The following NPAS2 variants were observed in gnomAD, a reference collection of about 807,000 sequenced individuals.
NPAS2 encodes neuronal PAS domain protein 2, also known as neuronal PAS domain-containing protein 2.
Under a neutral mutation model 107.5 loss-of-function variants are expected in NPAS2, and 23 were observed. The ratio of observed to expected loss-of-function variants is 0.21; its 90% CI spans 0.15 to 0.30. The LOEUF (loss-of-function observed/expected upper bound fraction) is 0.30, where lower values mean the gene tolerates loss of function less well. NPAS2 is among the 10% of genes least tolerant of loss of function. The pLI, the probability that NPAS2 is intolerant of heterozygous loss-of-function variation, is 1.00. For synonymous variants in NPAS2, 403 were observed against 417.5 expected (o/e 0.97, Z 0.42); for missense variants, 756 against 1,043.3 (o/e 0.72, Z 3.79).
intron 1 of NPAS2, among the ~76,000 whole-genome samples, chr2:100,870,611 T>A (rs1679523925): frequency 6.6e-6 from 1 of 151,814 alleles, no homozygotes; most frequent in African/African-American, 2.4e-5. Flanking sequence ...CCCAGGCTGG[T>A]CTCAAACTCA....
At chr2:100,881,873 G>A (rs898669912) in intron 1 of NPAS2, among the ~76,000 whole-genome samples, 1 of 152,174 alleles carries the variant, frequency 6.6e-6, no homozygotes, top group Non-Finnish European at 1.5e-5. Flanking sequence ...CCCATTCAGG[G>A]CCTTCTCCCC....
Position 100,915,449 on chromosome 2 carries a change from G to A in NPAS2, c.33-9697G>A, listed in dbSNP as rs143833285. ...TCAGGAAAGTGACTCTATAAAGCTG[G>A]TTGTGAGTTTCTGAGCTCACCCCTG... On this transcript the variant is annotated intron_variant, in intron 2 of 20. Transcript: ENST00000335681. Among the ~76,000 whole-genome samples, 422 of 152,272 alleles carry A rather than the reference G, an allele frequency of 2.8e-3. 3 individuals are homozygous for A. The highest frequency in any genetic ancestry group is 9.9e-3 in the African/African-American group (410 of 41,544).
intron 2 of NPAS2, among the ~76,000 whole-genome samples, chr2:100,923,087 C>T (rs1227631074): frequency 6.6e-6 from 1 of 152,138 alleles, no homozygotes; most frequent in Non-Finnish European, 1.5e-5. Context: ...TTCTTCTCTC[C>T]CATGTGTTTG....
Position 100,974,783 on chromosome 2 carries a change from G to A in NPAS2, c.1141-20G>A, listed in dbSNP as rs1404922623. ...TCCTCTTGATGCTGACATGAGGACT[G>A]TTTGATGTGTGTGTTTCAGGACAAG... On this transcript the variant is annotated intron_variant, in intron 12 of 20. Transcript: ENST00000335681. 2 of 1,611,826 alleles carry A rather than the reference G, an allele frequency of 1.2e-6. No homozygotes were observed. The highest frequency in any genetic ancestry group is 1.7e-6 in the Non-Finnish European group (2 of 1,178,886).
intron 1 of NPAS2, among the ~76,000 whole-genome samples, chr2:100,880,155 T>G (rs1326482168): frequency 6.6e-6 from 1 of 152,130 alleles, no homozygotes; most frequent in Non-Finnish European, 1.5e-5. Flanking sequence ...ATTGGAACAC[T>G]CATACATGGC....
intron 2 of NPAS2, among the ~76,000 whole-genome samples, chr2:100,918,661 A>G (rs1683035468): frequency 6.6e-6 from 1 of 152,238 alleles, no homozygotes; most frequent in Non-Finnish European, 1.5e-5. Context: ...CACTGCCATT[A>G]GCCATTAGAT....
intron 1 of NPAS2, among the ~76,000 whole-genome samples, chr2:100,900,146 A>G (rs1681677325): frequency 6.6e-6 from 1 of 152,230 alleles, no homozygotes; most frequent in Non-Finnish European, 1.5e-5. Context: ...ACACCATCCA[A>G]AAAGCACCAA....
intron 1 of NPAS2, among the ~76,000 whole-genome samples, chr2:100,854,248 C>T (rs979491000): frequency 6.7e-6 from 1 of 149,310 alleles, no homozygotes; most frequent in Non-Finnish European, 1.5e-5. Context: ...GCCTTAGAGA[C>T]GGGCTCCTAG....
At chr2:100,932,850 T>C in intron 3 of NPAS2, 60 bp from the exon 4 acceptor site, 1 of 1,167,884 alleles carries the variant, frequency 8.6e-7, no homozygotes, top group Non-Finnish European at 1.3e-6. Context: ...GTGCTTCATT[T>C]GTTAATTCCA....
intron 20 of NPAS2, chr2:100,994,610 G>C (rs1000612650): frequency 6.6e-6 from 1 of 152,440 alleles, no homozygotes; most frequent in Non-Finnish European, 1.5e-5. Context: ...AGTCAGGCTC[G>C]GATTTGGGAA....
chr2:100,906,023 G>A (rs915576136), intron 2 of NPAS2, among the ~76,000 whole-genome samples: 6 of 152,228 alleles, frequency 3.9e-5, no homozygotes, highest in Non-Finnish European at 5.9e-5. Context: ...ATGGCCAGAA[G>A]TGTAGACAGA....
At chr2:100,902,751 A>G (rs958932980) in intron 1 of NPAS2, among the ~76,000 whole-genome samples, 1 of 152,228 alleles carries the variant, frequency 6.6e-6, no homozygotes, top group African/African-American at 2.4e-5. Context: ...AAAAAATAAC[A>G]TGGTAGACAA....
intron 17 of NPAS2, 23 bp from the exon 18 acceptor site, chr2:100,990,233 T>C: frequency 6.2e-7 from 1 of 1,611,652 alleles, no homozygotes; most frequent in Non-Finnish European, 8.5e-7. Flanking sequence ...AGTCTTACCT[T>C]TCTCATTGAA....
chr2:100,857,043 C>T (rs1018689942), intron 1 of NPAS2, among the ~76,000 whole-genome samples: 14 of 152,256 alleles, frequency 9.2e-5, no homozygotes, highest in East Asian at 1.9e-4. Flanking sequence ...CAGTGGCTTA[C>T]GCCTATAATC....
At chr2:100,881,590 G>A (rs1398683304) in intron 1 of NPAS2, among the ~76,000 whole-genome samples, 1 of 152,102 alleles carries the variant, frequency 6.6e-6, no homozygotes, top group African/African-American at 2.4e-5. Context: ...GAAGGCTGAG[G>A]CAGGAGAATC....
At chr2:100,975,873 A>T (rs1239885721) in intron 14 of NPAS2, among the ~76,000 whole-genome samples, 1 of 152,172 alleles carries the variant, frequency 6.6e-6, no homozygotes, top group East Asian at 1.9e-4. Flanking sequence ...GGGGCTACAC[A>T]ATTAGGATTC....
Position 100,878,571 on chromosome 2 carries a change from C to T in NPAS2, c.-22-26162C>T, listed in dbSNP as rs562139245. 238 of 985,348 alleles carry T rather than the reference C, an allele frequency of 2.4e-4. 1 individual carries two copies. The African/African-American group carries it at 3.4e-3, about 14-fold the overall frequency. The allele number at this position is 985,348 out of a possible 1,614,324, so 61.0% of individuals were successfully genotyped here. ...GGTTTTAACCGTCAACTGAAATGGC[C>T]GTGTGTGGTACATTAAGTTCAGTAA... is the stretch of plus-strand genomic sequence containing the variant. On this transcript the variant is annotated intron_variant, in intron 1 of 20. Transcript: ENST00000335681.
chr2:100,828,475 C>T (rs1177402837), intron 1 of NPAS2, among the ~76,000 whole-genome samples: 1 of 152,080 alleles, frequency 6.6e-6, no homozygotes. Flanking sequence ...TTTCCCAAGG[C>T]CAGTGTCCAG....
rs1037230308 is a variant in NPAS2 at position 100,971,224 on chromosome 2, G to A, written c.1140+150G>A. The stretch of plus-strand genomic sequence containing the variant: ...TGAGGTGGGAGGATCCCTTGAGGCC[G>A]TCACATTGAGGCTGTGGTGAGCTAT... On this transcript the variant is annotated intron_variant, in intron 12 of 20. Transcript: ENST00000335681. 53 of 589,112 alleles carry A rather than the reference G, an allele frequency of 9.0e-5. 1 individual carries two copies. Among genetic ancestry groups the A allele is most frequent in the South Asian group, 5.4e-4 (28 of 51,610 alleles). The allele number at this position is 589,112 out of a possible 1,614,324, so 36.5% of individuals were successfully genotyped here.
Sources: gnomAD v4.1 joint callset for allele counts (sites outside exome capture counted in the v4.1 genomes callset) on GRCh38, gnomAD v4.1.1 for gene constraint, MANE v1.5 for transcripts, NCBI Gene and HGNC (gene_info 2026-07-23, HGNC 2026-07-21) for gene names.